Variants in TNFSF4 observed in about 807,000 individuals in gnomAD.
TNFSF4 encodes tumor necrosis factor ligand superfamily member 4.
A neutral mutation model predicts 7.3 loss-of-function variants in TNFSF4; 4 were observed. The ratio of observed to expected loss-of-function variants is 0.55; its 90% CI spans 0.27 to 1.25. TNFSF4 has a LOEUF of 1.25. Ranked by LOEUF, TNFSF4 falls within the 50% of genes most tolerant of loss-of-function variation. The pLI is 0.12. For synonymous variants in TNFSF4, 76 were observed against 83.7 expected (o/e 0.91, Z 0.50); for missense variants, 181 against 208.8 (o/e 0.87, Z 0.82).
At chr1:173,406,364 C>T in the TNFSF4 span, among the ~76,000 whole-genome samples, 1 of 152,114 alleles carries the variant, frequency 6.6e-6, no homozygotes. Flanking sequence ...TGCCCCAGTG[C>T]TTGACCACTT....
the TNFSF4 span, among the ~76,000 whole-genome samples, chr1:173,325,520 C>A: frequency 2.6e-5 from 4 of 152,066 alleles, no homozygotes; most frequent in African/African-American, 9.6e-5. Flanking sequence ...AAAATCAGAG[C>A]AGAACTGAAG....
chr1:173,447,648 G>A, the TNFSF4 span, among the ~76,000 whole-genome samples: 1 of 151,908 alleles, frequency 6.6e-6, no homozygotes. Flanking sequence ...CAATTGATGG[G>A]TTCGACAGCA....
chr1:173,226,219 C>G, the TNFSF4 span, among the ~76,000 whole-genome samples: 1 of 152,074 alleles, frequency 6.6e-6, no homozygotes, highest in Non-Finnish European at 1.5e-5. Flanking sequence ...CCATTCTCCC[C>G]TTATTCTTAG....
the TNFSF4 span, among the ~76,000 whole-genome samples, chr1:173,230,343 A>G: frequency 1.1e-4 from 17 of 152,198 alleles, 1 homozygote; most frequent in East Asian, 1.9e-4. Flanking sequence ...GGTACATAAC[A>G]AAATGAAGGC....
chr1:173,376,689 G>A, the TNFSF4 span, among the ~76,000 whole-genome samples: 105,831 of 152,070 alleles, frequency 0.7, 37,022 homozygotes, highest in African/African-American at 0.77. Flanking sequence ...TGGACCAATC[G>A]GCAGGACATG....
At chr1:173,256,592 G>A in the TNFSF4 span, among the ~76,000 whole-genome samples, 1 of 152,192 alleles carries the variant, frequency 6.6e-6, no homozygotes, top group Non-Finnish European at 1.5e-5. Flanking sequence ...GTAGAAGAGA[G>A]ACAGTCAAAC....
chr1:173,273,120 T>C, the TNFSF4 span, among the ~76,000 whole-genome samples: 1 of 152,156 alleles, frequency 6.6e-6, no homozygotes, highest in Non-Finnish European at 1.5e-5. Context: ...GTGGATGGTC[T>C]GCCACGGTGG....
At chr1:173,298,648 A>G in the TNFSF4 span, among the ~76,000 whole-genome samples, 66 of 152,058 alleles carry the variant, frequency 4.3e-4, no homozygotes, top group South Asian at 0.011. Flanking sequence ...CAGGACTCCC[A>G]CAGCTACAGC....
chr1:173,426,116 G>A, the TNFSF4 span, among the ~76,000 whole-genome samples: 2 of 152,170 alleles, frequency 1.3e-5, no homozygotes, highest in African/African-American at 2.4e-5. Context: ...AACAAAGTTC[G>A]TCTGGGCTCT....
chr1:173,298,581 T>A, the TNFSF4 span, among the ~76,000 whole-genome samples: 1 of 151,884 alleles, frequency 6.6e-6, no homozygotes, highest in Non-Finnish European at 1.5e-5. Context: ...CACTTCACTC[T>A]GCACTACTCT....
the TNFSF4 span, among the ~76,000 whole-genome samples, chr1:173,393,311 G>A: frequency 6.6e-6 from 1 of 152,188 alleles, no homozygotes; most frequent in African/African-American, 2.4e-5. Context: ...AGTCATTCGT[G>A]ACATTTTCTC....
At chr1:173,425,589 G>A in the TNFSF4 span, among the ~76,000 whole-genome samples, 2 of 152,190 alleles carry the variant, frequency 1.3e-5, no homozygotes, top group Admixed American at 6.5e-5. Context: ...AGATTTAGAA[G>A]CAAAGTCAAT....
chr1:173,189,122 T>C (rs1376533395), intron 1 of TNFSF4, among the ~76,000 whole-genome samples: 2 of 152,214 alleles, frequency 1.3e-5, no homozygotes, highest in Admixed American at 6.5e-5. Flanking sequence ...TGCTCCTTCA[T>C]GCAAGCGTCT....
chr1:173,358,021 A>G, the TNFSF4 span, among the ~76,000 whole-genome samples: 1 of 136,270 alleles, frequency 7.3e-6, no homozygotes, highest in Non-Finnish European at 1.6e-5. Flanking sequence ...ATCTGCAAAC[A>G]TGATTAAGTT....
chr1:173,203,800 A>C (rs1650051602), intron 1 of TNFSF4, among the ~76,000 whole-genome samples: 1 of 152,218 alleles, frequency 6.6e-6, no homozygotes, highest in Non-Finnish European at 1.5e-5. Flanking sequence ...ATCTTGGAAA[A>C]GCCAAGTTTC....
At chr1:173,400,769 G>C in the TNFSF4 span, among the ~76,000 whole-genome samples, 2 of 152,208 alleles carry the variant, frequency 1.3e-5, no homozygotes, top group Admixed American at 1.3e-4. Context: ...TAGGTCAGTG[G>C]AAAACTACAG....
the TNFSF4 span, among the ~76,000 whole-genome samples, chr1:173,359,856 G>A: frequency 6.6e-6 from 1 of 152,230 alleles, no homozygotes; most frequent in African/African-American, 2.4e-5. Flanking sequence ...GAGGCCAAAG[G>A]TGAGCACCCC....
At chr1:173,427,682 G>C in the TNFSF4 span, among the ~76,000 whole-genome samples, 1 of 152,136 alleles carries the variant, frequency 6.6e-6, no homozygotes, top group Admixed American at 6.5e-5. Flanking sequence ...TGAGAAATGT[G>C]TTATTAGGTG....
the TNFSF4 span, among the ~76,000 whole-genome samples, chr1:173,316,536 T>C: frequency 6.6e-6 from 1 of 152,098 alleles, no homozygotes; most frequent in Non-Finnish European, 1.5e-5. Flanking sequence ...CACACCATGA[T>C]TAGTTTATGT....
Sources: allele counts gnomAD v4.1 joint callset (sites outside exome capture counted in the v4.1 genomes callset), GRCh38; gene constraint gnomAD v4.1.1; transcripts MANE v1.5; gene names NCBI Gene and HGNC (gene_info 2026-07-23, HGNC 2026-07-21).